The following SRPK2 variants were observed in gnomAD, a reference collection of about 807,000 sequenced individuals.
SRPK2 encodes SFRS protein kinase 2.
A neutral mutation model predicts 90.8 loss-of-function variants in SRPK2; 21 were observed. That is an observed-to-expected ratio of 0.23 (90% confidence interval 0.16 to 0.33). The LOEUF (loss-of-function observed/expected upper bound fraction) is 0.33. Among genes scored for constraint, SRPK2 ranks in the 10% least tolerant of loss-of-function variants. The pLI is 1.00. For synonymous variants in SRPK2, 288 were observed against 311.1 expected, an observed-to-expected ratio of 0.93 and a Z score of 0.78; for missense variants, 620 against 869.0, an observed-to-expected ratio of 0.71 and a Z score of 3.60.
At chr7:105,251,374 C>A (rs1022045316) in intron 2 of SRPK2, among the ~76,000 whole-genome samples, 2 of 152,008 alleles carry the variant, frequency 1.3e-5, no homozygotes, top group African/African-American at 4.8e-5. Context: ...AAGCTTTTTT[C>A]TTTTCTTTTT....
At chr7:105,232,296 C>A (rs183402442) in intron 2 of SRPK2, among the ~76,000 whole-genome samples, 1 of 152,014 alleles carries the variant, frequency 6.6e-6, no homozygotes, top group East Asian at 1.9e-4. Context: ...TCCGTCTCTA[C>A]TAAAAATACA....
chr7:105,376,955 C>A (rs753058000), intron 2 of SRPK2, among the ~76,000 whole-genome samples: 4 of 149,058 alleles, frequency 2.7e-5, no homozygotes, highest in Non-Finnish European at 4.4e-5. Context: ...ACAAACAAAA[C>A]AAAAAGGACC....
chr7:105,388,916 G>GCGCCTGCGC lies in SRPK2; in HGVS notation c.-111_-110insGCGCAGGCG. 1.7e-6 allele frequency: 2 copies of GCGCCTGCGC among 1,212,070 alleles called. No homozygotes were observed. The highest frequency in any genetic ancestry group is 1.0e-6 in the Non-Finnish European group (1 of 978,262). The allele number at this position is 1,212,070 out of a possible 1,614,324, so 75.1% of individuals were successfully genotyped here. On this transcript the variant is annotated 5_prime_UTR_variant, in exon 1 of 16. Transcript: ENST00000393651. Reference sequence around the variant, plus strand: ...CGCCGGCCGGGAGGAGACGAGAACCGCGCCTGCGCCGCCGCCGCCGCCGCC... The same window carrying GCGCCTGCGC: ...CGCCGGCCGGGAGGAGACGAGAACCGCGCCTGCGCCGCCTGCGCCGCCGCCGCCGCCGCC...
At chr7:105,330,545 T>C (rs1814190083) in intron 2 of SRPK2, among the ~76,000 whole-genome samples, 1 of 152,054 alleles carries the variant, frequency 6.6e-6, no homozygotes, top group Non-Finnish European at 1.5e-5. Flanking sequence ...ACATGACTCT[T>C]CCTAGAAAAC....
At chr7:105,383,462 C>T (rs996411631) in intron 2 of SRPK2, among the ~76,000 whole-genome samples, 1 of 151,426 alleles carries the variant, frequency 6.6e-6, no homozygotes, top group Non-Finnish European at 1.5e-5. Flanking sequence ...GCTCTGTCAC[C>T]CAGGCTGGAG....
At chr7:105,337,306 C>T (rs2131819696) in intron 2 of SRPK2, among the ~76,000 whole-genome samples, 1 of 150,990 alleles carries the variant, frequency 6.6e-6, no homozygotes, top group East Asian at 2.0e-4. Context: ...GATAGTGAGG[C>T]TCATGAAGGG....
chr7:105,342,120 C>G (rs1193753426), intron 2 of SRPK2, among the ~76,000 whole-genome samples: 1 of 150,972 alleles, frequency 6.6e-6, no homozygotes, highest in Non-Finnish European at 1.5e-5. Context: ...AAAAAATTAG[C>G]TGGGCATGGT....
intron 2 of SRPK2, among the ~76,000 whole-genome samples, chr7:105,250,227 C>T (rs892627618): frequency 6.6e-6 from 1 of 151,880 alleles, no homozygotes; most frequent in Non-Finnish European, 1.5e-5. Context: ...CCCAGCTACT[C>T]AGGAGGCTGA....
At chr7:105,354,216 G>A (rs985076699) in intron 2 of SRPK2, among the ~76,000 whole-genome samples, 8 of 152,158 alleles carry the variant, frequency 5.3e-5, no homozygotes, top group Admixed American at 1.3e-4. Flanking sequence ...TGTATGGTGG[G>A]ACCACAGAGC....
upstream of SRPK2, chr7:105,389,441 C>T (rs558385151): frequency 5.6e-4 from 661 of 1,190,824 alleles, 1 homozygote; most frequent in Middle Eastern, 1.4e-3. Flanking sequence ...CCTGGGTCCG[C>T]GATTAGCGGT....
chr7:105,393,596 G>A (rs1247328373), upstream of SRPK2, among the ~76,000 whole-genome samples: 1 of 150,346 alleles, frequency 6.7e-6, no homozygotes. Flanking sequence ...TGTTTTCAGA[G>A]GACAGGGTCT....
chr7:105,385,887 T>C (rs1008560405), intron 2 of SRPK2, among the ~76,000 whole-genome samples: 1 of 152,228 alleles, frequency 6.6e-6, no homozygotes, highest in African/African-American at 2.4e-5. Flanking sequence ...TGTCATCTAT[T>C]ATTATTACTT....
rs146619883 is a variant in SRPK2, at chr7:105,264,325, C to T, written c.72-60540G>A. Among the ~76,000 whole-genome samples, 710 of 152,290 alleles carry T rather than the reference C, an allele frequency of 4.7e-3. 5 individuals carry two copies. The highest frequency in any genetic ancestry group is 8.3e-3 in the Non-Finnish European group (563 of 68,030). On this transcript the variant is annotated intron_variant, in intron 2 of 15. Coordinates refer to ENST00000393651, the MANE Select transcript of SRPK2 (RefSeq NM_182692.3). ...ATCACTTTCACCTTTGCATACGAGG[C>T]ACCAAAATAAGAAGAGAACAATTAA...
chr7:105,288,300 T>C (rs997089532), intron 2 of SRPK2, among the ~76,000 whole-genome samples: 2 of 151,850 alleles, frequency 1.3e-5, no homozygotes, highest in Admixed American at 6.6e-5. Flanking sequence ...AATAAGTAAG[T>C]AAACAAACAA....
At chr7:105,367,901 A>C (rs1221645236) in intron 2 of SRPK2, among the ~76,000 whole-genome samples, 1 of 152,158 alleles carries the variant, frequency 6.6e-6, no homozygotes, top group African/African-American at 2.4e-5. Context: ...AATCTCCAAA[A>C]AATTTACCAA....
At chr7:105,291,901 T>C (rs1166698128) in intron 2 of SRPK2, among the ~76,000 whole-genome samples, 1 of 152,240 alleles carries the variant, frequency 6.6e-6, no homozygotes, top group Non-Finnish European at 1.5e-5. Flanking sequence ...TCTTTATGCT[T>C]ATAATTTCCT....
chr7:105,316,925 G>A (rs1812374885), intron 2 of SRPK2, among the ~76,000 whole-genome samples: 1 of 152,180 alleles, frequency 6.6e-6, no homozygotes, highest in South Asian at 2.1e-4. Flanking sequence ...CAGTTATGAG[G>A]CTTAAGTGAG....
chr7:105,155,556 A>G (rs570928808), intron 7 of SRPK2, among the ~76,000 whole-genome samples: 1 of 152,264 alleles, frequency 6.6e-6, no homozygotes, highest in East Asian at 1.9e-4. Context: ...ACTGGCTCTG[A>G]GGGGTAGATG....
chr7:105,348,135 G>C (rs2132008017), intron 2 of SRPK2, among the ~76,000 whole-genome samples: 1 of 125,310 alleles, frequency 8.0e-6, no homozygotes, highest in East Asian at 2.3e-4. Flanking sequence ...GGAGTGCAAT[G>C]GCGCGATCTC....
Sources: gnomAD v4.1 joint callset for allele counts (sites outside exome capture counted in the v4.1 genomes callset) on GRCh38, gnomAD v4.1.1 for gene constraint, MANE v1.5 for transcripts, NCBI Gene and HGNC (gene_info 2026-07-23, HGNC 2026-07-21) for gene names.